Variants in NLK observed in about 807,000 individuals in gnomAD.
NLK encodes the protein nemo like kinase.
A neutral mutation model predicts 59.0 loss-of-function variants in NLK; 11 were observed. That is an observed-to-expected ratio of 0.19 (90% confidence interval 0.12 to 0.31). The LOEUF (loss-of-function observed/expected upper bound fraction) is 0.31. Among genes scored for constraint, NLK ranks in the 10% least tolerant of loss-of-function variants. NLK has a pLI of 1.00. For missense variants in NLK, 410 were observed against 661.1 expected (o/e 0.62, Z 4.16); for synonymous variants, 235 against 235.9 (o/e 1.00, Z 0.03).
intron 1 of NLK, among the ~76,000 whole-genome samples, chr17:28,066,176 T>TA (rs1909817447): frequency 6.6e-6 from 1 of 152,186 alleles, no homozygotes; most frequent in Non-Finnish European, 1.5e-5. Context: ...CCTGTAAACT[T>TA]ACTGAAACCT....
chr17:28,090,389 G>C (rs1904443255), intron 1 of NLK, among the ~76,000 whole-genome samples: 1 of 152,020 alleles, frequency 6.6e-6, no homozygotes, highest in Non-Finnish European at 1.5e-5. Flanking sequence ...TGTGGTTGTT[G>C]TTTCCTGTGC....
the NLK span, among the ~76,000 whole-genome samples, chr17:28,203,658 T>C: frequency 6.6e-6 from 1 of 152,168 alleles, no homozygotes; most frequent in Admixed American, 6.5e-5. Context: ...TACCTCACTC[T>C]CCCACATAGC....
intron 1 of NLK, among the ~76,000 whole-genome samples, chr17:28,089,383 C>T (rs1403493714): frequency 2.0e-5 from 3 of 151,980 alleles, no homozygotes. Context: ...GAGATCTATC[C>T]ATGTTGTTGC....
chr17:28,075,140 C>T (rs1375027437), intron 1 of NLK, among the ~76,000 whole-genome samples: 1 of 152,120 alleles, frequency 6.6e-6, no homozygotes, highest in Non-Finnish European at 1.5e-5. Context: ...TGTTAGCCTG[C>T]TAGTTTACAT....
At chr17:28,126,062 C>T (rs1906278421) in intron 2 of NLK, among the ~76,000 whole-genome samples, 1 of 152,150 alleles carries the variant, frequency 6.6e-6, no homozygotes, top group Admixed American at 6.5e-5. Context: ...TATGCACATC[C>T]TGTATGCCTA....
downstream of NLK, among the ~76,000 whole-genome samples, chr17:28,199,678 AAAAAAACAAAACAAAAC>A (rs1445888401): frequency 4.5e-4 from 21 of 46,734 alleles, no homozygotes; most frequent in African/African-American, 2.1e-3. Flanking sequence ...AAAAAAAAAA[AAAAAAACAAAACAAAAC>A]AAAAAAAAAA....
the NLK span, among the ~76,000 whole-genome samples, chr17:28,204,029 C>G: frequency 7.5e-3 from 1,135 of 152,262 alleles, 12 homozygotes; most frequent in African/African-American, 0.026. Context: ...GCATGTCTGT[C>G]CATGTTTCAC....
intron 1 of NLK, among the ~76,000 whole-genome samples, chr17:28,102,854 G>T (rs574729378): frequency 6.6e-6 from 1 of 152,010 alleles, no homozygotes; most frequent in Non-Finnish European, 1.5e-5. Flanking sequence ...TTTACTTCAG[G>T]GGGGCATCAG....
intron 3 of NLK, among the ~76,000 whole-genome samples, chr17:28,153,381 A>G (rs1328559768): frequency 6.6e-6 from 1 of 152,132 alleles, no homozygotes; most frequent in East Asian, 1.9e-4. Context: ...TTTACTTCTG[A>G]CAGTTCTGCA....
At chr17:28,125,867 C>T (rs1012878899) in intron 2 of NLK, among the ~76,000 whole-genome samples, 1 of 152,112 alleles carries the variant, frequency 6.6e-6, no homozygotes, top group South Asian at 2.1e-4. Context: ...ATGCTAGATA[C>T]TTTACATATA....
At chr17:28,071,310 C>G (rs1311260079) in intron 1 of NLK, among the ~76,000 whole-genome samples, 1 of 152,146 alleles carries the variant, frequency 6.6e-6, no homozygotes, top group Non-Finnish European at 1.5e-5. Flanking sequence ...ACAGAATTAG[C>G]TTGTCAGTTT....
At chr17:28,050,558 G>A (rs930637031) in intron 1 of NLK, among the ~76,000 whole-genome samples, 6 of 152,092 alleles carry the variant, frequency 3.9e-5, no homozygotes, top group Admixed American at 6.5e-5. Context: ...TTAAAACTGC[G>A]AATGGCAACT....
Position 28,168,570 on chromosome 17 carries a change from T to C in NLK, c.960T>C (p.Asn320=), listed in dbSNP as rs1908338135. Residue 320 remains asparagine, a synonymous_variant, in exon 6 of 11, where the codon AAT becomes AAC. Coordinates refer to ENST00000407008, the MANE Select transcript of NLK (RefSeq NM_016231.5). ...TGATGGGCAGCCGTCATTACAGCAATGCTATTGACATCTGGTCTGTGGGAT... is the reference window on the plus strand; with the variant it reads ...TGATGGGCAGCCGTCATTACAGCAACGCTATTGACATCTGGTCTGTGGGAT... The part of the protein sequence containing the change: ...EILMGSRHYS[N]AIDIWSVGCI... The C allele has an allele frequency of 6.2e-7, 1 of 1,613,646 alleles. No individual in the cohort carries two copies. Among genetic ancestry groups the C allele is most frequent in the South Asian group, 1.1e-5 (1 of 91,084 alleles).
At chr17:28,124,907 G>A (rs912050397) in intron 2 of NLK, among the ~76,000 whole-genome samples, 2 of 152,036 alleles carry the variant, frequency 1.3e-5, no homozygotes, top group East Asian at 3.9e-4. Flanking sequence ...AAATTAGCTG[G>A]GTTTGGTGGC....
chr17:28,065,247 G>A (rs1909788589), intron 1 of NLK, among the ~76,000 whole-genome samples: 1 of 152,112 alleles, frequency 6.6e-6, no homozygotes, highest in African/African-American at 2.4e-5. Context: ...CCTGCAGTTG[G>A]CAGTGTAGTT....
In NLK at chr17:28,043,057, C is replaced by T. The variant is rs1411520590; in HGVS notation, c.184C>T (p.His62Tyr). 2.6e-6 allele frequency: 4 copies of T among 1,563,512 alleles called. No individual in the cohort carries two copies. Among genetic ancestry groups the T allele is most frequent in the South Asian group, 1.2e-5 (1 of 86,378 alleles). Reference sequence around the variant, plus strand: ...TCATCCGGGGTCGGCTGCCGCTGTACACCCTGTACAGCAGCACACCTCTTC... The same window carrying T: ...TCATCCGGGGTCGGCTGCCGCTGTATACCCTGTACAGCAGCACACCTCTTC... ...HLHPGSAAAVHPVQQHTSSAA... is the reference protein window; with the variant it reads ...HLHPGSAAAVYPVQQHTSSAA... The change falls in exon 1 of 11, where the codon CAC becomes TAC. Residue 62 changes from histidine (H) to tyrosine (Y), a missense_variant. This residue lies in a region of NLK where 160 missense variants were observed against 171.0 expected (regional missense o/e 0.94). Transcript: ENST00000407008.
intron 6 of NLK, 37 bp from the exon 7 acceptor site, chr17:28,172,480 T>A (rs1390277498): frequency 7.3e-7 from 1 of 1,367,072 alleles, no homozygotes; most frequent in South Asian, 1.4e-5. Flanking sequence ...GTTATTTCCA[T>A]GAGATTACTA....
intron 1 of NLK, among the ~76,000 whole-genome samples, chr17:28,078,300 T>C (rs1170232576): frequency 6.6e-6 from 1 of 152,206 alleles, no homozygotes; most frequent in Non-Finnish European, 1.5e-5. Flanking sequence ...TAAAAATGAC[T>C]ATAAACCTCT....
At position 28,043,128 on chromosome 17, in the gene NLK, A is replaced by G; in HGVS notation, c.255A>G (p.Leu85=). ...AAAAAAAAAM[L]NPGQQQPYFP... The stretch of plus-strand genomic sequence containing the variant: ...CAGCGGCTGCAGCTGCAGCCATGTT[A>G]AACCCTGGGCAACAACAGCCATATT... Residue 85 remains leucine (L), a synonymous_variant, in exon 1 of 11, where the codon TTA becomes TTG. Coordinates refer to ENST00000407008, the MANE Select transcript of NLK (RefSeq NM_016231.5). 6.2e-7 allele frequency: 1 copy of G among 1,607,938 alleles called. No homozygotes were observed. Among genetic ancestry groups the G allele is most frequent in the East Asian group, 2.2e-5 (1 of 44,638 alleles).
Sources: gnomAD v4.1 joint callset for allele counts (sites outside exome capture counted in the v4.1 genomes callset) on GRCh38, gnomAD v4.1.1 for gene constraint, gnomAD v4.1.1 regional missense constraint, MANE v1.5 for transcripts, NCBI Gene and HGNC (gene_info 2026-07-23, HGNC 2026-07-21) for gene names.